The following ZEB1 variants were observed in gnomAD, a reference collection of about 807,000 sequenced individuals.
ZEB1 encodes zinc finger E-box binding homeobox 1, also known as zinc finger E-box-binding homeobox 1.
Under a neutral mutation model 84.9 loss-of-function variants are expected in ZEB1, and 21 were observed. That is an observed-to-expected ratio of 0.25 (90% CI 0.18 to 0.36). ZEB1 has a LOEUF of 0.36. Ranked by LOEUF, ZEB1 falls within the 10% of genes least tolerant of loss-of-function variation. The pLI is 1.00. For synonymous variants in ZEB1, 420 were observed against 471.1 expected, an observed-to-expected ratio of 0.89 and a Z score of 1.41; for missense variants, 1,104 against 1,330.2, an observed-to-expected ratio of 0.83 and a Z score of 2.65.
chr10:31,436,739 A>G (rs189561425), intron 1 of ZEB1, among the ~76,000 whole-genome samples: 54 of 152,252 alleles, frequency 3.5e-4, no homozygotes, highest in Middle Eastern at 3.4e-3. Context: ...GCTTTTCTAT[A>G]TATCAGTAGT....
Position 31,502,508 on chromosome 10 carries a change from T to C in ZEB1, c.483T>C (p.Asn161=), listed in dbSNP as rs1426892916. ...CAGAAGCCAGTGGTCATGATGAAAA[T>C]GGTAAATGGATCTTAACAGTTGTGT... ...GTPEASGHDE[N]GTPDAFSQLL... is the part of the protein sequence containing the mutation. Residue 161 remains asparagine (N), a splice_region_variant and synonymous_variant, in exon 4 of 9, where the codon AAT becomes AAC. Coordinates refer to ENST00000424869, the MANE Select transcript of ZEB1 (RefSeq NM_001174096.2). The C allele has an allele frequency of 6.2e-7, 1 of 1,613,724 alleles. No individual in the cohort carries two copies. Among genetic ancestry groups the C allele is most frequent in the Non-Finnish European group, 8.5e-7 (1 of 1,179,714 alleles).
chr10:31,424,112 C>G (rs1214019450), intron 1 of ZEB1, among the ~76,000 whole-genome samples: 1 of 151,876 alleles, frequency 6.6e-6, no homozygotes, highest in Non-Finnish European at 1.5e-5. Context: ...AATGTTCTTC[C>G]ATTTCATTAC....
At chr10:31,455,960 A>G (rs983891499) in intron 1 of ZEB1, among the ~76,000 whole-genome samples, 3 of 152,220 alleles carry the variant, frequency 2.0e-5, no homozygotes, top group African/African-American at 7.2e-5. Flanking sequence ...ATGCACACGT[A>G]TGTTTATTGC....
upstream of ZEB1, chr10:31,318,968 C>T: frequency 1.8e-6 from 1 of 541,096 alleles, no homozygotes; most frequent in Non-Finnish European, 3.4e-6. Flanking sequence ...CTCCCTCTCC[C>T]CACCACACCT....
Position 31,520,904 on chromosome 10 carries a change from AG to A in ZEB1, c.1579del (p.Val527Ter). 1 of 1,614,022 alleles carries A rather than the reference AG, an allele frequency of 6.2e-7. No homozygotes were observed. The highest frequency in any genetic ancestry group is 1.7e-5 in the Admixed American group (1 of 59,992). On this transcript the variant is annotated frameshift_variant, in exon 7 of 9. Coordinates refer to ENST00000424869, the MANE Select transcript of ZEB1 (RefSeq NM_001174096.2). LOFTEE classifies it high-confidence loss of function. This position sits in a 1 kb window ranked among gnomAD's most constrained non-coding sequence, Gnocchi z 5.1. ...AGTCTGAGAAGGACAAAAGCTTTGA[AG>A]GGGGGGTGAATGATAGCACTTGTCT... ...VKSEKDKSFE[G>X]GVNDSTCLLC...
In ZEB1 at chr10:31,523,953, C is replaced by T. The variant is rs756967233; in HGVS notation, c.2625C>T (p.Ser875=). The T allele has an allele frequency of 9.3e-6, 15 of 1,613,916 alleles. No individual in the cohort carries two copies. The highest frequency in any genetic ancestry group is 8.3e-5 in the Admixed American group (5 of 60,026). Residue 875 remains serine, a synonymous_variant, in exon 8 of 9, where the codon AGC becomes AGT. Transcript: ENST00000424869. ...TCTAGGATGAAAGACAAGATACTAG[C>T]TCAGAAGGAGTATCAAATGTAGAGG... ...NGNQDERQDT[S]SEGVSNVEDQ... is the part of the protein sequence containing the mutation.
At chr10:31,402,894 A>C (rs763204197) in intron 1 of ZEB1, among the ~76,000 whole-genome samples, 5 of 152,146 alleles carry the variant, frequency 3.3e-5, no homozygotes, top group African/African-American at 1.2e-4. Context: ...TTGGATGTAT[A>C]AAGCCAAACT....
intron 5 of ZEB1, 35 bp downstream of exon 5, chr10:31,510,910 A>G: frequency 1.9e-6 from 3 of 1,599,584 alleles, no homozygotes; most frequent in Non-Finnish European, 2.6e-6. Context: ...CTAACTTTCC[A>G]GATTTTGACA....
At chr10:31,511,270 A>G (rs1359388390) in intron 5 of ZEB1, among the ~76,000 whole-genome samples, 1 of 152,234 alleles carries the variant, frequency 6.6e-6, no homozygotes, top group Non-Finnish European at 1.5e-5. Flanking sequence ...AAGAAAGTCA[A>G]ATTAAAAAGT....
intron 2 of ZEB1, among the ~76,000 whole-genome samples, chr10:31,481,203 G>A (rs2064999832): frequency 6.6e-6 from 1 of 152,022 alleles, no homozygotes; most frequent in South Asian, 2.1e-4. Context: ...GGGCTATGGT[G>A]TTCAGTTGGA....
At chr10:31,363,713 T>C (rs1443488237) in intron 1 of ZEB1, 12 of 1,211,026 alleles carry the variant, frequency 9.9e-6, no homozygotes, top group East Asian at 5.1e-5. Flanking sequence ...CCAAACATTA[T>C]GGAGTTGTGA....
intron 1 of ZEB1, among the ~76,000 whole-genome samples, chr10:31,346,248 A>ACTTGTTCTGTT (rs2040290429): frequency 6.6e-6 from 1 of 152,172 alleles, no homozygotes; most frequent in South Asian, 2.1e-4. Flanking sequence ...TATGAACAGA[A>ACTTGTTCTGTT]CTATAGGAAA....
intron 1 of ZEB1, among the ~76,000 whole-genome samples, chr10:31,376,555 C>T (rs2046656279): frequency 6.6e-6 from 1 of 151,654 alleles, no homozygotes; most frequent in South Asian, 2.1e-4. Context: ...AGCAGTTTTA[C>T]ATTTAAAACT....
intron 1 of ZEB1, among the ~76,000 whole-genome samples, chr10:31,407,726 T>G (rs1291869942): frequency 6.6e-6 from 1 of 151,930 alleles, no homozygotes; most frequent in Non-Finnish European, 1.5e-5. Flanking sequence ...ATAAATTAGG[T>G]ATTGATGGGA....
intron 2 of ZEB1, among the ~76,000 whole-genome samples, chr10:31,469,706 C>A (rs1314504785): frequency 1.3e-5 from 2 of 152,220 alleles, no homozygotes; most frequent in Non-Finnish European, 1.5e-5. Flanking sequence ...TGGGTGAAGC[C>A]CACCACAGCT....
intron 1 of ZEB1, among the ~76,000 whole-genome samples, chr10:31,369,206 AATATTTC>A (rs573372465): frequency 6.6e-6 from 1 of 152,286 alleles, no homozygotes; most frequent in South Asian, 2.1e-4. Flanking sequence ...CCTCACCTAT[AATATTTC>A]ATATTGAGAC....
chr10:31,405,591 T>A (rs184266388), intron 1 of ZEB1, among the ~76,000 whole-genome samples: 2 of 152,272 alleles, frequency 1.3e-5, no homozygotes, highest in Admixed American at 1.3e-4. Context: ...AATTAAAATT[T>A]AGAAATTTAT....
At chr10:31,398,729 C>G (rs1564717879) in intron 1 of ZEB1, among the ~76,000 whole-genome samples, 1 of 152,142 alleles carries the variant, frequency 6.6e-6, no homozygotes, top group East Asian at 1.9e-4. Context: ...CTTATTTGAC[C>G]TGGCAACGGT....
intron 1 of ZEB1, among the ~76,000 whole-genome samples, chr10:31,354,569 A>G (rs11008469): frequency 0.011 from 1,694 of 152,254 alleles, 32 homozygotes; most frequent in African/African-American, 0.039. Context: ...TTTAGGATTG[A>G]TAGTGTCGTT....
Sources: gnomAD v4.1 joint callset for allele counts (sites outside exome capture counted in the v4.1 genomes callset) on GRCh38, gnomAD v4.1.1 for gene constraint, Gnocchi (gnomAD v3.1) non-coding constraint, MANE v1.5 for transcripts, NCBI Gene and HGNC (gene_info 2026-07-23, HGNC 2026-07-21) for gene names.